The following DTWD2 variants were observed in gnomAD, a reference collection of about 807,000 sequenced individuals.
The protein encoded by DTWD2 is DTW motif tRNA-uridine aminocarboxypropyltransferase 2.
DTWD2 carries 39 observed loss-of-function variants against 31.8 expected under a neutral mutation model. The ratio of observed to expected loss-of-function variants is 1.22; its 90% CI spans 0.95 to 1.60. The LOEUF (loss-of-function observed/expected upper bound fraction) is 1.60, where lower values mean the gene tolerates loss of function less well. DTWD2 is among the 40% of genes most tolerant of loss of function. DTWD2 has a pLI of 0.00. For synonymous variants in DTWD2, 180 were observed against 142.8 expected (o/e 1.26, Z -1.86); for missense variants, 515 against 381.5 (o/e 1.35, Z -2.92).
At chr5:118,871,710 T>C (rs1437616517) in intron 4 of DTWD2, among the ~76,000 whole-genome samples, 1 of 152,192 alleles carries the variant, frequency 6.6e-6, no homozygotes, top group Non-Finnish European at 1.5e-5. Flanking sequence ...TTTTTCCAGT[T>C]ACAAAGCACA....
intron 2 of DTWD2, 103 bp downstream of exon 2, chr5:118,944,456 T>C (rs1754286777): frequency 8.3e-7 from 1 of 1,211,574 alleles, no homozygotes; most frequent in African/African-American, 1.5e-5. Context: ...CCAACTTCTT[T>C]TCAGAAATGC....
At chr5:118,951,217 G>C (rs1164101922) in intron 1 of DTWD2, among the ~76,000 whole-genome samples, 2 of 152,180 alleles carry the variant, frequency 1.3e-5, no homozygotes, top group Non-Finnish European at 1.5e-5. Context: ...CTGGGTGTGA[G>C]GAGAGGAGGT....
At chr5:118,985,490 T>TTATATATATATATATATATA (rs56393420) in intron 1 of DTWD2, among the ~76,000 whole-genome samples, 1,211 of 94,978 alleles carry the variant, frequency 0.013, 18 homozygotes, top group Non-Finnish European at 0.017. Flanking sequence ...ATGTGCATTT[T>TTATATATATATATATATATA]TATATATATA....
chr5:118,976,401 G>A (rs1345756969), intron 1 of DTWD2, among the ~76,000 whole-genome samples: 1 of 152,170 alleles, frequency 6.6e-6, no homozygotes, highest in Non-Finnish European at 1.5e-5. Context: ...GACTCCAGGA[G>A]CTGGTGTTTT....
At chr5:118,951,576 T>A (rs767612842) in intron 1 of DTWD2, among the ~76,000 whole-genome samples, 2 of 152,188 alleles carry the variant, frequency 1.3e-5, no homozygotes, top group African/African-American at 2.4e-5. Context: ...TTGGAAACAC[T>A]GTCAAGTTTG....
At chr5:118,882,307 C>T (rs6863802) in intron 4 of DTWD2, among the ~76,000 whole-genome samples, 43,028 of 152,180 alleles carry the variant, frequency 0.28, 9,644 homozygotes, top group African/African-American at 0.63. Context: ...CACATCTCAG[C>T]CCCTGTGGCT....
intron 1 of DTWD2, among the ~76,000 whole-genome samples, chr5:118,960,874 G>C (rs1237552350): frequency 1.3e-5 from 2 of 152,112 alleles, no homozygotes; most frequent in African/African-American, 2.4e-5. Context: ...GCTAAACACT[G>C]AGTACACATG....
chr5:118,889,171 C>A (rs141911974), intron 4 of DTWD2, among the ~76,000 whole-genome samples: 41 of 152,230 alleles, frequency 2.7e-4, no homozygotes, highest in African/African-American at 9.4e-4. Context: ...CCCAAGGTTA[C>A]AGTGAAAATT....
chr5:118,936,009 A>G (rs1435580885), intron 3 of DTWD2, among the ~76,000 whole-genome samples: 1 of 152,238 alleles, frequency 6.6e-6, no homozygotes. Flanking sequence ...AACAAGTATC[A>G]ATAAAATTTT....
chr5:118,974,177 C>T (rs1367439285), intron 1 of DTWD2: 4 of 1,444,946 alleles, frequency 2.8e-6, no homozygotes, highest in Non-Finnish European at 3.8e-6. Flanking sequence ...TTGACCTATT[C>T]ACCCTCCACT....
chr5:118,867,070 T>C (rs550405822), intron 4 of DTWD2, among the ~76,000 whole-genome samples: 8 of 152,236 alleles, frequency 5.3e-5, no homozygotes, highest in African/African-American at 1.7e-4. Flanking sequence ...AATGTAGTAA[T>C]GACTAATTTA....
chr5:118,863,701 T>C (rs190944113), intron 4 of DTWD2, among the ~76,000 whole-genome samples: 49 of 152,334 alleles, frequency 3.2e-4, no homozygotes, highest in African/African-American at 1.1e-3. Context: ...AAAGGTAATT[T>C]TGGACATTCT....
intron 4 of DTWD2, among the ~76,000 whole-genome samples, chr5:118,856,222 T>A (rs1176566073): frequency 6.6e-6 from 1 of 152,228 alleles, no homozygotes; most frequent in African/African-American, 2.4e-5. Context: ...AGACAATTGT[T>A]CAATTTTGCC....
chr5:118,882,199 C>G (rs1752757080), intron 4 of DTWD2, among the ~76,000 whole-genome samples: 1 of 152,226 alleles, frequency 6.6e-6, no homozygotes, highest in African/African-American at 2.4e-5. Context: ...CAAAACCCAG[C>G]TGGGCAGTCA....
At chr5:118,986,682 T>C (rs1315385494) in intron 1 of DTWD2, among the ~76,000 whole-genome samples, 2 of 152,222 alleles carry the variant, frequency 1.3e-5, no homozygotes, top group Non-Finnish European at 2.9e-5. Context: ...TTATATTTTA[T>C]TGACAACACC....
At position 118,837,702 on chromosome 5, in the gene DTWD2, A is replaced by T. The variant is rs891767650; in HGVS notation, c.*3215T>A. On this transcript the variant is annotated 3_prime_UTR_variant, in exon 6 of 6. Transcript: ENST00000510708. ...GATCGCTTGAGGCCAGGAGTTCAGG[A>T]CCAGCCTAAACAACACAGCAAGACC... is the stretch of plus-strand genomic sequence containing the variant. 6.6e-6 allele frequency: 1 copy of T among 152,192 alleles called. No homozygotes were observed. The highest frequency in any genetic ancestry group is 1.5e-5 in the Non-Finnish European group (1 of 68,054). 9.4% of individuals were successfully genotyped at this position (152,192 alleles called of 1,614,324 possible).
At chr5:118,857,305 C>T (rs575905939) in intron 4 of DTWD2, among the ~76,000 whole-genome samples, 17 of 152,198 alleles carry the variant, frequency 1.1e-4, no homozygotes, top group African/African-American at 3.6e-4. Context: ...CATACGTATA[C>T]ATACATAATA....
Position 118,921,615 on chromosome 5 carries a change from G to C in DTWD2, c.597+6922C>G, listed in dbSNP as rs187170130. On this transcript the variant is annotated intron_variant, in intron 4 of 5. Coordinates refer to ENST00000510708, the MANE Select transcript of DTWD2 (RefSeq NM_173666.4). ...TGGGCATTTTGAATTTAACACTCAAGGGTTGTGGCTCTCCCCCAAAGGAGG... is the reference window on the plus strand; with the variant it reads ...TGGGCATTTTGAATTTAACACTCAACGGTTGTGGCTCTCCCCCAAAGGAGG... Among the ~76,000 whole-genome samples the C allele has an allele frequency of 1.9e-3, 283 of 152,140 alleles. 1 individual carries two copies. The highest frequency in any genetic ancestry group is 6.6e-3 in the African/African-American group (274 of 41,504).
chr5:118,912,083 C>A (rs1753470180), intron 4 of DTWD2, among the ~76,000 whole-genome samples: 1 of 152,218 alleles, frequency 6.6e-6, no homozygotes, highest in African/African-American at 2.4e-5. Context: ...CAGAGGGGCA[C>A]TGTTTGGTAA....
Sources: gnomAD v4.1 joint callset for allele counts (sites outside exome capture counted in the v4.1 genomes callset) on GRCh38, gnomAD v4.1.1 for gene constraint, MANE v1.5 for transcripts, NCBI Gene and HGNC (gene_info 2026-07-23, HGNC 2026-07-21) for gene names.